MPC2: variants seen among roughly 807,000 people sequenced by gnomAD.
MPC2 encodes the protein brain protein 44.
A neutral mutation model predicts 19.2 loss-of-function variants in MPC2; 19 were observed. That is an observed-to-expected ratio of 0.99 (90% CI 0.69 to 1.45). The LOEUF (loss-of-function observed/expected upper bound fraction) is 1.45. MPC2 is among the 40% of genes most tolerant of loss of function. The pLI is 0.00. For missense variants in MPC2, 122 were observed against 153.0 expected (o/e 0.80, Z 1.07); for synonymous variants, 61 against 54.3 (o/e 1.12, Z -0.54).
chr1:167,931,178 C>T (rs1447716490), intron 2 of MPC2, among the ~76,000 whole-genome samples: 2 of 152,176 alleles, frequency 1.3e-5, no homozygotes, highest in African/African-American at 4.8e-5. Context: ...GTGATCCACA[C>T]GCCTCGGCCT....
chr1:167,918,341 T>C lies in MPC2; in HGVS notation c.366A>G (p.Lys122=). The C allele has an allele frequency of 6.4e-7, 1 of 1,565,904 alleles. No individual in the cohort carries two copies. The highest frequency in any genetic ancestry group is 8.8e-7 in the Non-Finnish European group (1 of 1,139,150). The change falls in exon 6 of 6, where the codon AAA becomes AAG. Residue 122 remains lysine, a synonymous_variant. Coordinates refer to ENST00000271373, the MANE Select transcript of MPC2 (RefSeq NM_001143674.4). ...FRIWRYNQEL[K]AKAHK ...AACTCTTTTATTTGTGTGCTTTAGC[T>C]TTTAGTTCTTGGTTATATCTATAAA...
Position 167,920,647 on chromosome 1 carries a change from T to C in MPC2, c.151-16A>G, listed in dbSNP as rs999413510. On this transcript the variant is annotated splice_polypyrimidine_tract_variant and intron_variant, in intron 3 of 5. Coordinates refer to ENST00000271373, the MANE Select transcript of MPC2 (RefSeq NM_001143674.4). ...ACACCAACCCCTACACATTAACGCATAGAAAGAAAAAAAGTATCACAAATG... is the reference window on the plus strand; with the variant it reads ...ACACCAACCCCTACACATTAACGCACAGAAAGAAAAAAAGTATCACAAATG... 4 of 1,600,816 alleles carry C rather than the reference T, an allele frequency of 2.5e-6. No individual in the cohort carries two copies. The highest frequency in any genetic ancestry group is 1.3e-5 in the African/African-American group (1 of 74,210).
At chr1:167,936,906 A>T in intron 1 of MPC2, 33 bp downstream of exon 1, 1 of 1,559,506 alleles carries the variant, frequency 6.4e-7, no homozygotes, top group Non-Finnish European at 8.7e-7. Flanking sequence ...CGGCTCAGGC[A>T]GAGCCATGTC....
chr1:167,921,221 G>C (rs1490107682), intron 3 of MPC2, among the ~76,000 whole-genome samples: 3 of 151,378 alleles, frequency 2.0e-5, no homozygotes, highest in African/African-American at 7.3e-5. Flanking sequence ...TTAGTTTTTT[G>C]GTTAGATCAT....
chr1:167,934,349 T>G (rs1670999506), intron 2 of MPC2, among the ~76,000 whole-genome samples: 1 of 152,176 alleles, frequency 6.6e-6, no homozygotes, highest in Non-Finnish European at 1.5e-5. Flanking sequence ...GACTTCACAT[T>G]CAGTTGACTC....
chr1:167,923,047 C>T (rs1670642478), intron 3 of MPC2, among the ~76,000 whole-genome samples: 1 of 152,060 alleles, frequency 6.6e-6, no homozygotes, highest in African/African-American at 2.4e-5. Context: ...AAAATGCTCC[C>T]CCATCAAAAG....
chr1:167,925,476 CAT>C (rs1198576266), intron 2 of MPC2, among the ~76,000 whole-genome samples: 1,481 of 69,684 alleles, frequency 0.021, 28 homozygotes, highest in African/African-American at 0.061. Context: ...TATATATATA[CAT>C]ATACATATAC....
intron 3 of MPC2, among the ~76,000 whole-genome samples, chr1:167,921,901 C>T (rs1401590876): frequency 1.3e-5 from 2 of 151,976 alleles, no homozygotes; most frequent in Non-Finnish European, 2.9e-5. Context: ...ATTTAAGGTA[C>T]ATAGGTTTTT....
At position 167,936,653 on chromosome 1, in the gene MPC2, G is replaced by A. The variant is rs1304808781; in HGVS notation, c.-58+286C>T. Reference sequence around the variant, plus strand: ...CCTCCGCCTCCTCCTGTTGGAGGGGGGCTGAGGGAGGAGACTGTTGCTGAT... The same window carrying A: ...CCTCCGCCTCCTCCTGTTGGAGGGGAGCTGAGGGAGGAGACTGTTGCTGAT... On this transcript the variant is annotated intron_variant, in intron 1 of 5. Transcript: ENST00000271373. 9.6e-6 allele frequency: 4 copies of A among 414,774 alleles called. No homozygotes were observed. The Admixed American group carries it at 1.8e-4, about 18-fold the overall frequency. The allele number at this position is 414,774 out of a possible 1,614,324, so 25.7% of individuals were successfully genotyped here.
intron 5 of MPC2, 68 bp from the exon 6 acceptor site, chr1:167,918,427 G>A: frequency 2.0e-6 from 2 of 1,006,244 alleles, no homozygotes; most frequent in South Asian, 1.5e-5. Context: ...AGGAGAGAAT[G>A]GGAAGCATAC....
chr1:167,935,664 C>T (rs774355460), intron 2 of MPC2, 69 bp downstream of exon 2: 83 of 1,353,776 alleles, frequency 6.1e-5, no homozygotes, highest in Admixed American at 7.9e-5. Flanking sequence ...GTCAGAGGGC[C>T]TCTAAAAGGT....
chr1:167,931,477 A>G (rs941145192), intron 2 of MPC2, among the ~76,000 whole-genome samples: 6 of 152,044 alleles, frequency 3.9e-5, no homozygotes, highest in African/African-American at 7.2e-5. Context: ...TTAACTTTAA[A>G]TAAGTTATTA....
intron 3 of MPC2, among the ~76,000 whole-genome samples, chr1:167,923,208 G>A (rs1320746249): frequency 6.6e-6 from 1 of 152,164 alleles, no homozygotes; most frequent in African/African-American, 2.4e-5. Flanking sequence ...ATACTAAGAA[G>A]AATTAAAAGT....
rs957934235 is a variant in MPC2, at chr1:167,936,797, G to A, written c.-58+142C>T. On this transcript the variant is annotated intron_variant, in intron 1 of 5. Coordinates refer to ENST00000271373, the MANE Select transcript of MPC2 (RefSeq NM_001143674.4). ...CACCGCCATCTAACGCTGCGCCCTG[G>A]AGGCCCGGCGCGCGGATGGTGCCGG... 3.0e-5 allele frequency: 28 copies of A among 935,020 alleles called. 1 individual carries two copies. The Admixed American group carries it at 4.2e-4, about 14-fold the overall frequency. The allele number at this position is 935,020 out of a possible 1,614,324, so 57.9% of individuals were successfully genotyped here.
chr1:167,931,514 A>G (rs1236357638), intron 2 of MPC2, among the ~76,000 whole-genome samples: 2 of 151,842 alleles, frequency 1.3e-5, no homozygotes, highest in Admixed American at 6.6e-5. Flanking sequence ...ATGTATATTT[A>G]GTGTATTTAA....
rs1283808468 is a variant in MPC2, at chr1:167,920,616, C to T, written c.166G>A (p.Gly56Arg). 6.2e-7 allele frequency: 1 copy of T among 1,613,782 alleles called. No homozygotes were observed. Among genetic ancestry groups the T allele is most frequent in the Admixed American group, 1.7e-5 (1 of 59,984 alleles). ...PIMKWGLVCA[G>R]LADMARPAEK... Reference sequence around the variant, plus strand: ...GCAGGTCTGGCCATATCAGCCAATCCAGCACACACCAACCCCTACACATTA... The same window carrying T: ...GCAGGTCTGGCCATATCAGCCAATCTAGCACACACCAACCCCTACACATTA... The change falls in exon 4 of 6, where the codon GGA becomes AGA. Residue 56 changes from glycine to arginine, a missense_variant. Gly to Arg is a moderately radical substitution (Grantham distance 125, BLOSUM62 -2). Coordinates refer to ENST00000271373, the MANE Select transcript of MPC2 (RefSeq NM_001143674.4).
At position 167,925,442 on chromosome 1, in the gene MPC2, C is replaced by CGTGT. The variant is rs1553200802; in HGVS notation, c.110-906_110-905insACAC. Reference sequence around the variant, plus strand: ...TATAATATACAGATATACATATACACATATATATATATATATATATATATA... The same window carrying CGTGT: ...TATAATATACAGATATACATATACACGTGTATATATATATATATATATATATATA... On this transcript the variant is annotated intron_variant, in intron 2 of 5. Coordinates refer to ENST00000271373, the MANE Select transcript of MPC2 (RefSeq NM_001143674.4). Among the ~76,000 whole-genome samples, 723 of 82,084 alleles carry CGTGT rather than the reference C, an allele frequency of 8.8e-3. 12 individuals carry two copies. Among genetic ancestry groups the CGTGT allele is most frequent in the African/African-American group, 0.036 (695 of 19,334 alleles). The allele number at this position is 82,084 out of a possible 152,430, so 53.9% of individuals were successfully genotyped here. A position where few individuals can be genotyped will look rare whatever the true frequency, so the allele number is the denominator to read the frequency against.
intron 1 of MPC2, 173 bp from the exon 2 acceptor site, chr1:167,936,071 C>T (rs1671170986): frequency 1.7e-6 from 1 of 576,248 alleles, no homozygotes; most frequent in South Asian, 2.0e-5. Context: ...CCCGGTCCGC[C>T]TCCGGCCCCC....
chr1:167,921,285 C>T (rs762344170), intron 3 of MPC2, among the ~76,000 whole-genome samples: 15 of 151,290 alleles, frequency 9.9e-5, no homozygotes, highest in East Asian at 1.9e-4. Context: ...AGCAATGGTG[C>T]GATCTAGGCT....
Sources: allele counts gnomAD v4.1 joint callset (sites outside exome capture counted in the v4.1 genomes callset), GRCh38; gene constraint gnomAD v4.1.1; transcripts MANE v1.5; gene names NCBI Gene and HGNC (gene_info 2026-07-23, HGNC 2026-07-21).